Variants in FA2H observed in about 807,000 individuals in gnomAD.
The protein encoded by FA2H is fatty acid 2-hydroxylase, also known as fatty acid alpha-hydroxylase.
Under a neutral mutation model 44.9 loss-of-function variants are expected in FA2H, and 22 were observed. That is an observed-to-expected ratio of 0.49 (90% CI 0.35 to 0.70). The LOEUF is 0.70. FA2H is among the 30% of genes least tolerant of loss of function. The pLI, the probability that FA2H is intolerant of heterozygous loss-of-function variation, is 0.01. For missense variants in FA2H, 501 were observed against 504.9 expected, an observed-to-expected ratio of 0.99 and a Z score of 0.07; for synonymous variants, 243 against 213.2, an observed-to-expected ratio of 1.14 and a Z score of -1.22.
chr16:74,765,469 TA>T (rs1962792338), intron 1 of FA2H, among the ~76,000 whole-genome samples: 1 of 152,200 alleles, frequency 6.6e-6, no homozygotes, highest in Non-Finnish European at 1.5e-5. Context: ...GTTTCATTCT[TA>T]AAGTATCTTG....
intron 1 of FA2H, among the ~76,000 whole-genome samples, chr16:74,745,378 G>T (rs562276173): frequency 9.2e-5 from 14 of 152,334 alleles, no homozygotes; most frequent in African/African-American, 2.9e-4. Context: ...CGAGCAGGTG[G>T]GTGGCCTGGG....
chr16:74,771,460 G>T (rs1956263217), intron 1 of FA2H, among the ~76,000 whole-genome samples: 1 of 151,952 alleles, frequency 6.6e-6, no homozygotes, highest in Non-Finnish European at 1.5e-5. Flanking sequence ...CAAGCAGCTG[G>T]GAGGGCACCA....
chr16:74,724,388 G>A (rs752692864), intron 4 of FA2H, among the ~76,000 whole-genome samples: 41 of 152,272 alleles, frequency 2.7e-4, no homozygotes, highest in Middle Eastern at 3.4e-3. Flanking sequence ...AGTATGCAGC[G>A]CCGCCCCCTT....
intron 2 of FA2H, among the ~76,000 whole-genome samples, chr16:74,739,764 AG>A (rs1484555077): frequency 8.5e-5 from 13 of 152,176 alleles, no homozygotes; most frequent in Middle Eastern, 3.2e-3. Flanking sequence ...CTTCTTCTCC[AG>A]GGGTGTCTGG....
At chr16:74,749,520 GAC>G (rs1962492032) in intron 1 of FA2H, among the ~76,000 whole-genome samples, 1 of 152,230 alleles carries the variant, frequency 6.6e-6, no homozygotes, top group Non-Finnish European at 1.5e-5. Context: ...AGAACAAAAA[GAC>G]AGTCTTGGGC....
intron 1 of FA2H, among the ~76,000 whole-genome samples, chr16:74,743,704 C>A (rs140861889): frequency 7.6e-4 from 115 of 152,270 alleles, no homozygotes; most frequent in African/African-American, 2.7e-3. Flanking sequence ...CCTAGGGCCA[C>A]CCCAGGGAGC....
chr16:74,724,974 G>A lies in FA2H; in HGVS notation c.613+1251C>T, dbSNP rs948905052. 2.6e-5 allele frequency among the ~76,000 whole-genome samples: 4 copies of A among 152,180 alleles called. No homozygotes were observed. The East Asian group carries it at 5.8e-4, about 22-fold the overall frequency. On this transcript the variant is annotated intron_variant, in intron 4 of 6. Coordinates refer to ENST00000219368, the MANE Select transcript of FA2H (RefSeq NM_024306.5). ...TCCCCCTCCGGCTGCCAGCCCTGGC[G>A]GCCCTGCCACTGTTTGTGATTGTTA...
intron 1 of FA2H, among the ~76,000 whole-genome samples, chr16:74,762,157 C>T (rs1450889797): frequency 6.6e-6 from 1 of 151,904 alleles, no homozygotes; most frequent in Admixed American, 6.6e-5. Flanking sequence ...ATTCTCCTGC[C>T]TCAGCCGCCT....
At chr16:74,761,736 TCATC>T (rs1430908791) in intron 1 of FA2H, among the ~76,000 whole-genome samples, 1 of 152,156 alleles carries the variant, frequency 6.6e-6, no homozygotes, top group Admixed American at 6.5e-5. Flanking sequence ...GAGGGTGCTA[TCATC>T]CAACAATATG....
At chr16:74,715,310 C>T (rs2144600150) in intron 6 of FA2H, among the ~76,000 whole-genome samples, 1 of 151,984 alleles carries the variant, frequency 6.6e-6, no homozygotes, top group South Asian at 2.1e-4. Context: ...AGAGACTTTA[C>T]AAAAAGGGTC....
chr16:74,728,745 C>G (rs1168777364), intron 2 of FA2H, among the ~76,000 whole-genome samples: 1 of 146,152 alleles, frequency 6.8e-6, no homozygotes, highest in African/African-American at 2.5e-5. Flanking sequence ...GCTATTATTT[C>G]TATTTATTTG....
chr16:74,757,462 T>C (rs905245192), intron 1 of FA2H, among the ~76,000 whole-genome samples: 8 of 152,212 alleles, frequency 5.3e-5, no homozygotes, highest in African/African-American at 1.9e-4. Flanking sequence ...ATGTGTATTA[T>C]TTGGATCCAG....
At chr16:74,748,258 G>T (rs1162844001) in intron 1 of FA2H, among the ~76,000 whole-genome samples, 2 of 152,212 alleles carry the variant, frequency 1.3e-5, no homozygotes, top group Non-Finnish European at 2.9e-5. Flanking sequence ...AGCAAACGCC[G>T]CCCTCTTTAG....
At chr16:74,747,672 G>C (rs1962451165) in intron 1 of FA2H, among the ~76,000 whole-genome samples, 1 of 152,120 alleles carries the variant, frequency 6.6e-6, no homozygotes, top group African/African-American at 2.4e-5. Context: ...GCCAAGGATG[G>C]TCAAGAGCAG....
chr16:74,731,683 G>T (rs1231847874), intron 2 of FA2H, among the ~76,000 whole-genome samples: 3 of 151,964 alleles, frequency 2.0e-5, no homozygotes, highest in African/African-American at 7.3e-5. Context: ...ACCACACATG[G>T]CTGCTATTTT....
chr16:74,759,382 C>T (rs971778638), intron 1 of FA2H, among the ~76,000 whole-genome samples: 3 of 152,164 alleles, frequency 2.0e-5, no homozygotes, highest in Admixed American at 1.3e-4. Flanking sequence ...AACATGCCAT[C>T]GGCTGATTGG....
In FA2H at chr16:74,726,337, G is replaced by A. The variant is rs771738496; in HGVS notation, c.507-6C>T. 1.3e-6 allele frequency: 2 copies of A among 1,589,536 alleles called. No homozygotes were observed. Among genetic ancestry groups the A allele is most frequent in the East Asian group, 4.5e-5 (2 of 44,760 alleles). On this transcript the variant is annotated splice_polypyrimidine_tract_variant and splice_region_variant and intron_variant, in intron 3 of 6. Coordinates refer to ENST00000219368, the MANE Select transcript of FA2H (RefSeq NM_024306.5). ...AGATGATGGGGACACTGTACCTGCA[G>A]GAAGGCCATCAGGGTGAGAGAGATA...
At chr16:74,747,077 G>A (rs1049461117) in intron 1 of FA2H, among the ~76,000 whole-genome samples, 13 of 152,182 alleles carry the variant, frequency 8.5e-5, no homozygotes, top group Non-Finnish European at 1.3e-4. Context: ...TTGGGAGGCA[G>A]AGGCAGGTGG....
rs548840776 is a variant in FA2H, at chr16:74,735,721, T to G, written c.363+4302A>C. Among the ~76,000 whole-genome samples, 104 of 152,174 alleles carry G rather than the reference T, an allele frequency of 6.8e-4. 1 individual carries two copies. The South Asian group carries it at 0.021, about 31-fold the overall frequency. On this transcript the variant is annotated intron_variant, in intron 2 of 6. Coordinates refer to ENST00000219368, the MANE Select transcript of FA2H (RefSeq NM_024306.5). Reference sequence around the variant, plus strand: ...TCCTACGCAATAATAAGATGCAGGGTTGCAATCCCAGCACCTTGGGAGGCC... The same window carrying G: ...TCCTACGCAATAATAAGATGCAGGGGTGCAATCCCAGCACCTTGGGAGGCC...
Sources: gnomAD v4.1 joint callset for allele counts (sites outside exome capture counted in the v4.1 genomes callset) on GRCh38, gnomAD v4.1.1 for gene constraint, MANE v1.5 for transcripts, NCBI Gene and HGNC (gene_info 2026-07-23, HGNC 2026-07-21) for gene names.